ZFHX4: variants seen among roughly 807,000 people sequenced by gnomAD.
ZFHX4 encodes the protein zinc finger homeobox 4.
Under a neutral mutation model 267.6 loss-of-function variants are expected in ZFHX4, and 56 were observed. That is an observed-to-expected ratio of 0.21 (90% CI 0.17 to 0.26). The LOEUF (loss-of-function observed/expected upper bound fraction) is 0.26. Ranked by LOEUF, ZFHX4 falls within the 10% of genes least tolerant of loss-of-function variation. The pLI is 1.00. For missense variants in ZFHX4, 4,332 were observed against 4,420.0 expected (o/e 0.98, Z 0.56); for synonymous variants, 1,778 against 1,665.6 (o/e 1.07, Z -1.64).
intron 3 of ZFHX4, among the ~76,000 whole-genome samples, chr8:76,715,337 C>G (rs1808536308): frequency 6.6e-6 from 1 of 151,674 alleles, no homozygotes; most frequent in Admixed American, 6.6e-5. Flanking sequence ...CAAAAATTAG[C>G]CAGCAATGGT....
At chr8:76,710,618 T>G (rs1348506934) in intron 3 of ZFHX4, among the ~76,000 whole-genome samples, 1 of 152,218 alleles carries the variant, frequency 6.6e-6, no homozygotes, top group African/African-American at 2.4e-5. Context: ...TTTTGCATCA[T>G]GAATTATTTA....
chr8:76,780,360 C>T (rs760567666), intron 4 of ZFHX4, among the ~76,000 whole-genome samples: 3 of 152,138 alleles, frequency 2.0e-5, no homozygotes, highest in Non-Finnish European at 4.4e-5. Context: ...CTTCTGGTTA[C>T]TACCCAGTGG....
At chr8:76,744,676 G>A (rs1196491543) in intron 3 of ZFHX4, among the ~76,000 whole-genome samples, 2 of 152,124 alleles carry the variant, frequency 1.3e-5, no homozygotes, top group African/African-American at 2.4e-5. Flanking sequence ...ACCTCCCAAA[G>A]AGGTGGGATT....
chr8:76,787,261 T>C (rs1426950089), intron 4 of ZFHX4, among the ~76,000 whole-genome samples: 1 of 152,076 alleles, frequency 6.6e-6, no homozygotes, highest in Non-Finnish European at 1.5e-5. Context: ...GAACAGGTCA[T>C]GAGAACCCAG....
chr8:76,809,528 A>G (rs927445115), intron 4 of ZFHX4, among the ~76,000 whole-genome samples: 2 of 152,182 alleles, frequency 1.3e-5, no homozygotes, highest in Non-Finnish European at 2.9e-5. Flanking sequence ...AGCTTTCCTC[A>G]TATCAGCAAA....
chr8:76,776,202 C>T (rs1181805956), intron 3 of ZFHX4, among the ~76,000 whole-genome samples: 2 of 151,666 alleles, frequency 1.3e-5, no homozygotes, highest in Admixed American at 6.6e-5. Context: ...ATAAATATAT[C>T]GAAGACTGAA....
intron 1 of ZFHX4, among the ~76,000 whole-genome samples, chr8:76,696,546 TA>T (rs915956304): frequency 6.6e-6 from 1 of 150,662 alleles, no homozygotes; most frequent in African/African-American, 2.4e-5. Context: ...TAATGAAATC[TA>T]ATTAAAGTTC....
At chr8:76,753,629 CTTT>C (rs962115381) in intron 3 of ZFHX4, among the ~76,000 whole-genome samples, 2 of 117,404 alleles carry the variant, frequency 1.7e-5, no homozygotes, top group African/African-American at 3.2e-5. Flanking sequence ...CGTCTTAGGC[CTTT>C]TTTTTTTTTT....
At position 76,707,758 on chromosome 8, in the gene ZFHX4, T is replaced by A; in HGVS notation, c.2803T>A (p.Trp935Arg). 6.2e-7 allele frequency: 1 copy of A among 1,613,890 alleles called. No individual in the cohort carries two copies. The highest frequency in any genetic ancestry group is 8.5e-7 in the Non-Finnish European group (1 of 1,179,888). The stretch of plus-strand genomic sequence containing the variant: ...TGAGCGCTCTCTCCCTGAAGAGGAA[T>A]GGAGGGCAGTAATTGGAGATATCTA... ...SSERSLPEEE[W>R]RAVIGDIYQC... Residue 935 changes from tryptophan (W) to arginine (R), a missense_variant, in exon 3 of 11, where the codon TGG becomes AGG. Around this residue, in one of 7 missense-constraint regions of ZFHX4, gnomAD observed 1,195 missense variants for 1,173.6 expected, o/e 1.02. Coordinates refer to ENST00000651372, the MANE Select transcript of ZFHX4 (RefSeq NM_024721.5).
At position 76,854,344 on chromosome 8, in the gene ZFHX4, C is replaced by G. The variant is rs1178520000; in HGVS notation, c.7423C>G (p.Leu2475Val). The G allele has an allele frequency of 6.2e-7, 1 of 1,613,916 alleles. No homozygotes were observed. The highest frequency in any genetic ancestry group is 1.7e-5 in the Admixed American group (1 of 60,016). Residue 2475 changes from leucine to valine, a missense_variant, in exon 10 of 11, where the codon CTG (leucine) becomes GTG (valine). Coordinates refer to ENST00000651372, the MANE Select transcript of ZFHX4 (RefSeq NM_024721.5). ...TCAAACACCGGTCCCTTCCAGTCCA[C>G]TGCAAATTTCCATGACGTCTCTCCA... ...ASQTPVPSSP[L>V]QISMTSLQNS...
chr8:76,777,732 C>T (rs985012089), intron 3 of ZFHX4, among the ~76,000 whole-genome samples: 1 of 152,154 alleles, frequency 6.6e-6, no homozygotes, highest in East Asian at 1.9e-4. Context: ...AAATGCCATG[C>T]AATTTGTGGA....
At chr8:76,741,310 A>G (rs28674139) in intron 3 of ZFHX4, among the ~76,000 whole-genome samples, 6 of 152,218 alleles carry the variant, frequency 3.9e-5, no homozygotes, top group African/African-American at 1.2e-4. Context: ...AATGAGATCT[A>G]TGTGTTTAAA....
At chr8:76,797,920 CTGTG>C (rs1811023195) in intron 4 of ZFHX4, among the ~76,000 whole-genome samples, 1 of 122,512 alleles carries the variant, frequency 8.2e-6, no homozygotes, top group Non-Finnish European at 1.7e-5. Context: ...GTGTGTGTGT[CTGTG>C]TGTCTGTGTG....
chr8:76,788,771 A>G (rs1375666148), intron 4 of ZFHX4, among the ~76,000 whole-genome samples: 1 of 152,184 alleles, frequency 6.6e-6, no homozygotes, highest in Non-Finnish European at 1.5e-5. Context: ...CCAGGTTTTT[A>G]GTTCTTTGTA....
At chr8:76,741,202 G>C (rs1184465165) in intron 3 of ZFHX4, among the ~76,000 whole-genome samples, 2 of 152,122 alleles carry the variant, frequency 1.3e-5, no homozygotes, top group Non-Finnish European at 1.5e-5. Context: ...TGGAGACTAG[G>C]AACAGATGAC....
At chr8:76,721,815 C>T (rs1444764322) in intron 3 of ZFHX4, among the ~76,000 whole-genome samples, 1 of 152,098 alleles carries the variant, frequency 6.6e-6, no homozygotes, top group East Asian at 1.9e-4. Context: ...GGAGTCTTCT[C>T]TCTCTTTCAC....
At chr8:76,708,359 A>ATTTT in intron 3 of ZFHX4, 4 of 224,294 alleles carry the variant, frequency 1.8e-5, no homozygotes, top group Admixed American at 5.5e-5. Flanking sequence ...AAACCTATTG[A>ATTTT]TTTTTTTTTT....
At chr8:76,689,692 G>C (rs1223265802) in intron 1 of ZFHX4, among the ~76,000 whole-genome samples, 2 of 152,100 alleles carry the variant, frequency 1.3e-5, no homozygotes, top group Non-Finnish European at 1.5e-5. Context: ...TTGAAAGTTT[G>C]ATATGGTTTC....
intron 3 of ZFHX4, among the ~76,000 whole-genome samples, chr8:76,776,297 TCCTC>T (rs1254150856): frequency 2.0e-5 from 3 of 151,998 alleles, no homozygotes; most frequent in Non-Finnish European, 4.4e-5. Context: ...GTTTAATTTC[TCCTC>T]CCTCCCCTCT....
Sources: gnomAD v4.1 joint callset for allele counts (sites outside exome capture counted in the v4.1 genomes callset) on GRCh38, gnomAD v4.1.1 for gene constraint, gnomAD v4.1.1 regional missense constraint, MANE v1.5 for transcripts, NCBI Gene and HGNC (gene_info 2026-07-23, HGNC 2026-07-21) for gene names.